DOCK10: variants seen among roughly 807,000 people sequenced by gnomAD.
DOCK10 encodes dedicator of cytokinesis 10.
DOCK10 carries 145 observed loss-of-function variants against 280.1 expected under a neutral mutation model. The observed-to-expected ratio is 0.52, with a 90% CI of 0.45 to 0.59. DOCK10 has a LOEUF of 0.59. Among genes scored for constraint, DOCK10 ranks in the 20% least tolerant of loss-of-function variants. The pLI, the probability that DOCK10 is intolerant of heterozygous loss-of-function variation, is 0.00. For synonymous variants in DOCK10, 915 were observed against 942.2 expected (o/e 0.97, Z 0.53); for missense variants, 2,368 against 2,651.7 (o/e 0.89, Z 2.35).
intron 1 of DOCK10, among the ~76,000 whole-genome samples, chr2:225,008,970 G>A (rs1320812838): frequency 1.3e-5 from 2 of 152,156 alleles, no homozygotes; most frequent in African/African-American, 2.4e-5. Flanking sequence ...TACGTCCAGT[G>A]AGTTGTACAT....
chr2:224,901,255 C>T (rs866100138), intron 3 of DOCK10, among the ~76,000 whole-genome samples: 3 of 152,160 alleles, frequency 2.0e-5, no homozygotes, highest in Non-Finnish European at 4.4e-5. Context: ...AAGTCACAGG[C>T]TACAACTCTG....
In DOCK10 at chr2:224,805,586, C is replaced by G; in HGVS notation, c.3815-57G>C. 6.2e-7 allele frequency: 1 copy of G among 1,600,922 alleles called. No homozygotes were observed. Among genetic ancestry groups the G allele is most frequent in the Non-Finnish European group, 8.5e-7 (1 of 1,173,398 alleles). Reference sequence around the variant, plus strand: ...AATGAGATGTATGGGCACACACACACAAAAGGTTCACATGATGAACCAAAA... The same window carrying G: ...AATGAGATGTATGGGCACACACACAGAAAAGGTTCACATGATGAACCAAAA... On this transcript the variant is annotated intron_variant, in intron 34 of 55. Transcript: ENST00000258390. This position sits in a 1 kb window ranked among gnomAD's most constrained non-coding sequence, Gnocchi z 4.3.
chr2:224,856,630 T>G (rs1390874802), intron 15 of DOCK10, among the ~76,000 whole-genome samples: 2 of 152,228 alleles, frequency 1.3e-5, no homozygotes, highest in African/African-American at 4.8e-5. Context: ...TGAGGTGGTT[T>G]GTTACACAGC....
At position 224,806,139 on chromosome 2, in the gene DOCK10, T is replaced by G. The variant is rs1693377843; in HGVS notation, c.3801A>C (p.Leu1267Phe). The G allele has an allele frequency of 6.2e-7, 1 of 1,600,222 alleles. No individual in the cohort carries two copies. The highest frequency in any genetic ancestry group is 1.7e-5 in the Admixed American group (1 of 59,170). The change falls in exon 34 of 56, where the codon TTA (leucine) becomes TTC (phenylalanine). Residue 1267 changes from leucine (L) to phenylalanine (F), a missense_variant. Coordinates refer to ENST00000258390, the MANE Select transcript of DOCK10 (RefSeq NM_014689.3). Reference sequence around the variant, plus strand: ...GATCTCAAGTACCTGCTATGGAATTTAAAACATCTTTAGAAAATGATGTAT... The same window carrying G: ...GATCTCAAGTACCTGCTATGGAATTGAAAACATCTTTAGAAAATGATGTAT... ...SVDTSFSKDV[L>F]NSIAAFSSIA...
intron 1 of DOCK10, among the ~76,000 whole-genome samples, chr2:225,035,560 A>ATATAT (rs1690217078): frequency 8.0e-5 from 4 of 49,798 alleles, no homozygotes; most frequent in African/African-American, 2.2e-4. Flanking sequence ...ATATATATAT[A>ATATAT]TATATATATA....
Position 224,929,986 on chromosome 2 carries a change from A to T in DOCK10, c.243+1563T>A, listed in dbSNP as rs549180345. Among the ~76,000 whole-genome samples the T allele has an allele frequency of 1.1e-4, 16 of 152,252 alleles. No homozygotes were observed. The South Asian group carries it at 3.3e-3, about 32-fold the overall frequency. On this transcript the variant is annotated intron_variant, in intron 2 of 55. Coordinates refer to ENST00000258390, the MANE Select transcript of DOCK10 (RefSeq NM_014689.3). ...GAGGCCGAGATGGGTGGATCACTTGAGGTCATGAGTTCAAGACCAGCATGG... is the reference window on the plus strand; with the variant it reads ...GAGGCCGAGATGGGTGGATCACTTGTGGTCATGAGTTCAAGACCAGCATGG...
chr2:224,894,274 A>T (rs79685419), intron 4 of DOCK10, among the ~76,000 whole-genome samples: 66 of 152,228 alleles, frequency 4.3e-4, no homozygotes, highest in African/African-American at 1.9e-4. Flanking sequence ...TAACAGAGGA[A>T]GAATACTGTG....
chr2:224,805,452 T>C lies in DOCK10; in HGVS notation c.3892A>G (p.Ser1298Gly). The part of the protein sequence containing the change: ...ASLASLDSNP[S>G]TNEKSSEKTD... ...TTCTCACTGCTCTTCTCATTGGTAC[T>C]TGGATTGGAGTCAAGACTTGCTAAA... The change falls in exon 35 of 56, where the codon AGT becomes GGT. Residue 1298 changes from serine (S) to glycine (G), a missense_variant. Coordinates refer to ENST00000258390, the MANE Select transcript of DOCK10 (RefSeq NM_014689.3). The surrounding 1 kb of genome is among the most constrained non-coding windows in gnomAD (Gnocchi z 4.3). The C allele has an allele frequency of 6.2e-7, 1 of 1,612,816 alleles. No individual in the cohort carries two copies. Among genetic ancestry groups the C allele is most frequent in the South Asian group, 1.1e-5 (1 of 91,058 alleles).
chr2:224,782,058 T>C (rs377316781), intron 50 of DOCK10, among the ~76,000 whole-genome samples: 4 of 152,190 alleles, frequency 2.6e-5, no homozygotes, highest in African/African-American at 9.6e-5. Flanking sequence ...GCTACATGAA[T>C]GAATTTCTCT....
intron 1 of DOCK10, among the ~76,000 whole-genome samples, chr2:225,032,789 C>T (rs1174659800): frequency 6.6e-6 from 1 of 152,140 alleles, no homozygotes; most frequent in Non-Finnish European, 1.5e-5. Context: ...TTTCATTGAA[C>T]AGTAAATTTT....
At chr2:224,848,875 C>A (rs974763888) in intron 19 of DOCK10, among the ~76,000 whole-genome samples, 6 of 152,124 alleles carry the variant, frequency 3.9e-5, no homozygotes, top group African/African-American at 1.4e-4. Flanking sequence ...ACAATCTCTT[C>A]ACTAGTCAGT....
At chr2:224,918,236 G>GAT (rs1392736591) in intron 2 of DOCK10, among the ~76,000 whole-genome samples, 2 of 152,132 alleles carry the variant, frequency 1.3e-5, no homozygotes, top group Non-Finnish European at 1.5e-5. Flanking sequence ...GTGCTAGTTG[G>GAT]ATACCTAAAT....
chr2:224,877,225 G>A (rs775778051), intron 7 of DOCK10, among the ~76,000 whole-genome samples: 10 of 152,290 alleles, frequency 6.6e-5, no homozygotes, highest in Non-Finnish European at 8.8e-5. Flanking sequence ...CAAAGTTCTT[G>A]TCCTCCAGAG....
At position 224,859,717 on chromosome 2, in the gene DOCK10, T is replaced by C. The variant is rs79891039; in HGVS notation, c.1686-2735A>G. On this transcript the variant is annotated intron_variant, in intron 14 of 55. Coordinates refer to ENST00000258390, the MANE Select transcript of DOCK10 (RefSeq NM_014689.3). ...CAACATGTCTTAGGGCACACTGAAA[T>C]CTACACTGCGAAACAAACTGCAATC... Among the ~76,000 whole-genome samples the C allele has an allele frequency of 3.2e-3, 480 of 152,302 alleles. 20 individuals carry two copies. In the East Asian group the frequency reaches 0.086, roughly 27 times the overall value.
intron 50 of DOCK10, among the ~76,000 whole-genome samples, chr2:224,781,368 A>C (rs1415894846): frequency 6.6e-6 from 1 of 152,196 alleles, no homozygotes; most frequent in Non-Finnish European, 1.5e-5. Context: ...GAGCAGAATA[A>C]ACCATTTACT....
intron 4 of DOCK10, among the ~76,000 whole-genome samples, chr2:224,892,431 G>GAAAAGAAAAA (rs1699746478): frequency 7.3e-6 from 1 of 136,270 alleles, no homozygotes; most frequent in African/African-American, 2.7e-5. Context: ...AAGAAAGAAA[G>GAAAAGAAAAA]AAAAGAAAAG....
At chr2:224,927,996 T>A (rs1702128497) in intron 2 of DOCK10, among the ~76,000 whole-genome samples, 1 of 152,104 alleles carries the variant, frequency 6.6e-6, no homozygotes, top group Non-Finnish European at 1.5e-5. Context: ...TATGACCACT[T>A]CACATTGACT....
intron 1 of DOCK10, among the ~76,000 whole-genome samples, chr2:224,936,844 A>G (rs548847332): frequency 6.6e-6 from 1 of 152,302 alleles, no homozygotes; most frequent in African/African-American, 2.4e-5. Flanking sequence ...TCTCAAAACT[A>G]TCATATGTTC....
intron 1 of DOCK10, among the ~76,000 whole-genome samples, chr2:224,947,782 A>ATTTGT (rs1396521783): frequency 6.6e-6 from 1 of 151,986 alleles, no homozygotes; most frequent in Non-Finnish European, 1.5e-5. Context: ...CGGTTTATTT[A>ATTTGT]TTTGTTTTAC....
Sources: allele counts gnomAD v4.1 joint callset (sites outside exome capture counted in the v4.1 genomes callset), GRCh38; gene constraint gnomAD v4.1.1; non-coding constraint Gnocchi (gnomAD v3.1); transcripts MANE v1.5; gene names NCBI Gene and HGNC (gene_info 2026-07-23, HGNC 2026-07-21).